Variants in ZNF329 observed in about 807,000 individuals in gnomAD.
ZNF329 encodes zinc finger protein 329.
In ZNF329, 15 loss-of-function variants were observed where a neutral mutation model predicts 26.6. The observed-to-expected ratio is 0.56, with a 90% confidence interval of 0.38 to 0.87. The LOEUF (loss-of-function observed/expected upper bound fraction) is 0.87. Ranked by LOEUF, ZNF329 falls within the 40% of genes least tolerant of loss-of-function variation. The pLI, the probability that ZNF329 is intolerant of heterozygous loss-of-function variation, is 0.00. For missense variants in ZNF329, 651 were observed against 651.9 expected, an observed-to-expected ratio of 1.00 and a Z score of 0.02; for synonymous variants, 239 against 233.5, an observed-to-expected ratio of 1.02 and a Z score of -0.21.
intron 3 of ZNF329, among the ~76,000 whole-genome samples, chr19:58,131,109 A>ATG (rs1397885691): frequency 2.7e-5 from 4 of 147,482 alleles, no homozygotes; most frequent in African/African-American, 9.9e-5. Flanking sequence ...ATATACATGT[A>ATG]TATGTGTATA....
intron 3 of ZNF329, among the ~76,000 whole-genome samples, chr19:58,141,006 T>C (rs2075173072): frequency 6.6e-6 from 1 of 150,966 alleles, no homozygotes. Flanking sequence ...AAGTGGCACA[T>C]GCCCCCATGC....
Position 58,128,846 on chromosome 19 carries a change from AAAC to A in ZNF329, c.655_657del (p.Val219del), listed in dbSNP as rs1381767258. 1.2e-6 allele frequency: 2 copies of A among 1,611,196 alleles called. No individual in the cohort carries two copies. The highest frequency in any genetic ancestry group is 1.7e-6 in the Non-Finnish European group (2 of 1,178,892). Reference sequence around the variant, plus strand: ...TCTCCGGTGTGAGTTCGGTGATGCAAAACAAGAGAAGAGTTCCGTTTGAAGCAT... The same window carrying A: ...TCTCCGGTGTGAGTTCGGTGATGCAAAAGAGAAGAGTTCCGTTTGAAGCAT... On this transcript the variant is annotated inframe_deletion, in exon 4 of 4. Coordinates refer to ENST00000598312, the MANE Select transcript of ZNF329 (RefSeq NM_024620.4).
intron 3 of ZNF329, among the ~76,000 whole-genome samples, chr19:58,134,791 G>A (rs930311509): frequency 1.3e-4 from 20 of 152,106 alleles, no homozygotes; most frequent in African/African-American, 3.9e-4. Flanking sequence ...AAAAATTAGC[G>A]AGGCATGGTG....
intron 3 of ZNF329, among the ~76,000 whole-genome samples, chr19:58,138,838 T>C (rs907960437): frequency 6.6e-6 from 1 of 150,984 alleles, no homozygotes; most frequent in Non-Finnish European, 1.5e-5. Flanking sequence ...CTCCAGTAAA[T>C]ATACAAAAAT....
At chr19:58,135,528 A>G (rs910118049) in intron 3 of ZNF329, among the ~76,000 whole-genome samples, 2 of 152,158 alleles carry the variant, frequency 1.3e-5, no homozygotes, top group African/African-American at 4.8e-5. Flanking sequence ...GGCCCCACAA[A>G]GTGCTGGGAT....
chr19:58,136,384 G>T (rs757074826), intron 3 of ZNF329, among the ~76,000 whole-genome samples: 31 of 151,322 alleles, frequency 2.0e-4, no homozygotes, highest in Middle Eastern at 3.3e-3. Context: ...ATTTTAAAAA[G>T]AAGGCTAGGT....
Position 58,129,317 on chromosome 19 carries a change from T to C in ZNF329, c.187A>G (p.Ile63Val). 6.2e-7 allele frequency: 1 copy of C among 1,614,218 alleles called. No homozygotes were observed. Among genetic ancestry groups the C allele is most frequent in the South Asian group, 1.1e-5 (1 of 91,086 alleles). The change falls in exon 4 of 4, where the codon ATT becomes GTT. Residue 63 changes from isoleucine (I) to valine (V), a missense_variant. By Grantham distance (29) the Ile-to-Val change is conservative. Transcript: ENST00000598312. ...TLEKPGTQEA[I>V]CEYPGFGEHL... ...TCCCCAAAACCAGGATATTCACAAA[T>C]TGCTTCCTGAGTCCCTGGTTTCTCC...
At chr19:58,152,424 C>CAAAA (rs35940938), upstream of ZNF329, among the ~76,000 whole-genome samples, 1 of 118,178 alleles carries the variant, frequency 8.5e-6, no homozygotes, top group Non-Finnish European at 1.8e-5. Context: ...TACTCGGTCT[C>CAAAA]AAAAAAAAAA....
chr19:58,154,488 C>G (rs1196467620), upstream of ZNF329, among the ~76,000 whole-genome samples: 1 of 152,218 alleles, frequency 6.6e-6, no homozygotes, highest in African/African-American at 2.4e-5. Flanking sequence ...GCTGCCTCTT[C>G]TTTCTGGTTG....
intron 1 of ZNF329, among the ~76,000 whole-genome samples, chr19:58,144,850 CTT>C (rs71188086): frequency 0.026 from 3,076 of 120,290 alleles, 108 homozygotes; most frequent in African/African-American, 0.084. Flanking sequence ...AATTTTTTTT[CTT>C]TTTTTTTTTT....
intron 1 of ZNF329, among the ~76,000 whole-genome samples, chr19:58,149,113 G>A (rs189918780): frequency 2.0e-5 from 3 of 152,326 alleles, no homozygotes; most frequent in South Asian, 2.1e-4. Flanking sequence ...AGATGGCAAC[G>A]AGAGTGACCT....
chr19:58,141,884 C>T (rs1047459142), intron 3 of ZNF329, among the ~76,000 whole-genome samples: 1 of 150,212 alleles, frequency 6.7e-6, no homozygotes. Context: ...CAAGAGCGAA[C>T]CTCCATCTCA....
intron 1 of ZNF329, among the ~76,000 whole-genome samples, chr19:58,149,877 T>C (rs900822131): frequency 6.6e-6 from 1 of 152,214 alleles, no homozygotes; most frequent in African/African-American, 2.4e-5. Flanking sequence ...TACTGAACTC[T>C]AATTCATGGT....
chr19:58,148,254 C>A (rs1331907553), intron 1 of ZNF329, among the ~76,000 whole-genome samples: 10 of 142,444 alleles, frequency 7.0e-5, no homozygotes, highest in African/African-American at 1.5e-4. Context: ...ACAAACACTG[C>A]GCGGAAGGCC....
intron 3 of ZNF329, among the ~76,000 whole-genome samples, chr19:58,133,057 C>A (rs2074983865): frequency 6.6e-6 from 1 of 152,172 alleles, no homozygotes; most frequent in Non-Finnish European, 1.5e-5. Context: ...CGTGATCCGC[C>A]CGCCTCAGCC....
intron 1 of ZNF329, among the ~76,000 whole-genome samples, chr19:58,146,552 CCCACGGTCTCCCTCTCCCTCTCTTT>C (rs1254126865): frequency 0.024 from 3,597 of 148,938 alleles, 98 homozygotes; most frequent in African/African-American, 0.087. Flanking sequence ...TCTCCCTCTC[CCCACGGTCTCCCTCTCCCTCTCTTT>C]CCACGGTCTC....
At chr19:58,133,049 T>C (rs1226270965) in intron 3 of ZNF329, among the ~76,000 whole-genome samples, 2 of 152,160 alleles carry the variant, frequency 1.3e-5, no homozygotes, top group African/African-American at 4.8e-5. Context: ...CCTGACCTCG[T>C]GATCCGCCCG....
At chr19:58,145,854 C>T (rs561609238) in intron 1 of ZNF329, among the ~76,000 whole-genome samples, 9 of 152,026 alleles carry the variant, frequency 5.9e-5, no homozygotes, top group South Asian at 4.2e-4. Context: ...CTTCCTGACA[C>T]GACACACCAA....
chr19:58,137,061 A>T (rs1175469207), intron 3 of ZNF329: 4 of 156,404 alleles, frequency 2.6e-5, no homozygotes, highest in African/African-American at 8.3e-5. Context: ...GTACAGATAA[A>T]AAAAAAAAAA....
Sources: allele counts gnomAD v4.1 joint callset (sites outside exome capture counted in the v4.1 genomes callset), GRCh38; gene constraint gnomAD v4.1.1; transcripts MANE v1.5; gene names NCBI Gene and HGNC (gene_info 2026-07-23, HGNC 2026-07-21).